The following SORCS3 variants were observed in gnomAD, a reference collection of about 807,000 sequenced individuals.
SORCS3 encodes VPS10 domain-containing receptor SorCS3.
A neutral mutation model predicts 146.3 loss-of-function variants in SORCS3; 57 were observed. That is an observed-to-expected ratio of 0.39 (90% CI 0.31 to 0.49). SORCS3 has a LOEUF of 0.49. Ranked by LOEUF, SORCS3 falls within the 20% of genes least tolerant of loss-of-function variation. The probability of loss-of-function intolerance (pLI) is 0.92; values close to 1 mark genes in which losing one functional copy is unlikely to be tolerated. For synonymous variants in SORCS3, 653 were observed against 618.5 expected, an observed-to-expected ratio of 1.06 and a Z score of -0.83; for missense variants, 1,341 against 1,575.5, an observed-to-expected ratio of 0.85 and a Z score of 2.52.
chr10:105,229,677 G>A (rs561240691), intron 20 of SORCS3, among the ~76,000 whole-genome samples: 1 of 152,312 alleles, frequency 6.6e-6, no homozygotes, highest in East Asian at 1.9e-4. Context: ...TATTAGTGGA[G>A]GCCATGGAAA....
intron 2 of SORCS3, among the ~76,000 whole-genome samples, chr10:104,901,553 T>C (rs983942928): frequency 6.6e-6 from 1 of 152,216 alleles, no homozygotes; most frequent in Non-Finnish European, 1.5e-5. Context: ...AATAGCACTC[T>C]TGAGCCCCTT....
In SORCS3 at chr10:105,216,844, T is replaced by C. The variant is rs1450316506; in HGVS notation, c.2548-92T>C. 2.5e-5 allele frequency: 31 copies of C among 1,253,828 alleles called. No homozygotes were observed. The Admixed American group carries it at 5.4e-4, about 22-fold the overall frequency. 77.7% of individuals were successfully genotyped at this position (1,253,828 alleles called of 1,614,324 possible). On this transcript the variant is annotated intron_variant, in intron 18 of 26. Transcript: ENST00000369701. ...GCCCTTTGGGAAAGACTATGGGTCA[T>C]CAGAGGTTGATGCTGAAGCAACAGG...
intron 1 of SORCS3, among the ~76,000 whole-genome samples, chr10:104,810,528 G>A (rs1426796319): frequency 6.6e-6 from 1 of 152,166 alleles, no homozygotes; most frequent in African/African-American, 2.4e-5. Context: ...AAGTAGTACA[G>A]TTTAATTATA....
chr10:105,071,829 G>A (rs1282043122), intron 5 of SORCS3, among the ~76,000 whole-genome samples: 7 of 152,286 alleles, frequency 4.6e-5, no homozygotes, highest in African/African-American at 1.7e-4. Flanking sequence ...TATAGATGAG[G>A]AAACGAAGGC....
rs1204488668 is a variant in SORCS3 at position 104,778,160 on chromosome 10, G to A, written c.628-64632G>A. ...AAAAGGACAAATGTCTTAGACGATGGATATCCCAATTACCCTGATTTGATC... is the reference window on the plus strand; with the variant it reads ...AAAAGGACAAATGTCTTAGACGATGAATATCCCAATTACCCTGATTTGATC... On this transcript the variant is annotated intron_variant, in intron 1 of 26. Coordinates refer to ENST00000369701, the MANE Select transcript of SORCS3 (RefSeq NM_014978.3). Among the ~76,000 whole-genome samples, 3 of 152,178 alleles carry A rather than the reference G, an allele frequency of 2.0e-5. No individual in the cohort carries two copies. The East Asian group carries it at 5.8e-4, about 29-fold the overall frequency.
rs1180571850 is a variant in SORCS3, at chr10:105,031,358, CACACAA to C, written c.955-11695_955-11690del. Among the ~76,000 whole-genome samples, 520 of 145,552 alleles carry C rather than the reference CACACAA, an allele frequency of 3.6e-3. 4 individuals are homozygous for C. Among genetic ancestry groups the C allele is most frequent in the African/African-American group, 0.012 (457 of 37,738 alleles). On this transcript the variant is annotated intron_variant, in intron 4 of 26. Transcript: ENST00000369701. ...ACACACACACACACACACACACACA[CACACAA>C]AAACATGTATGTTTGTTTTACAAAT...
intron 1 of SORCS3, among the ~76,000 whole-genome samples, chr10:104,696,697 TTA>T (rs1258554158): frequency 3.6e-5 from 3 of 84,344 alleles, no homozygotes; most frequent in African/African-American, 1.5e-4. Context: ...ATAATATATA[TTA>T]TATACGTATA....
In SORCS3 at chr10:105,116,638, T is replaced by C. The variant is rs78569224; in HGVS notation, c.1212+11123T>C. Among the ~76,000 whole-genome samples the C allele has an allele frequency of 6.1e-3, 920 of 152,006 alleles. 6 individuals carry two copies. The highest frequency in any genetic ancestry group is 0.021 in the African/African-American group (856 of 41,440). On this transcript the variant is annotated intron_variant, in intron 7 of 26. Transcript: ENST00000369701. ...AGTAAAGACATGGAATCAACCTAAA[T>C]GCCCATCAATGGTAGACTAGATTAA...
At chr10:105,148,317 G>A (rs956977561) in intron 9 of SORCS3, among the ~76,000 whole-genome samples, 6 of 152,052 alleles carry the variant, frequency 3.9e-5, no homozygotes, top group African/African-American at 1.4e-4. Flanking sequence ...TAAAAAACTG[G>A]CCTTGACATA....
intron 1 of SORCS3, among the ~76,000 whole-genome samples, chr10:104,742,858 G>A (rs987475683): frequency 2.6e-5 from 4 of 152,136 alleles, no homozygotes; most frequent in African/African-American, 4.8e-5. Flanking sequence ...GATTGACTTA[G>A]GGCTGAGACT....
At chr10:104,825,274 C>T (rs2017922526) in intron 1 of SORCS3, among the ~76,000 whole-genome samples, 1 of 152,170 alleles carries the variant, frequency 6.6e-6, no homozygotes, top group South Asian at 2.1e-4. Flanking sequence ...TTAGCTGATC[C>T]TCACAACAAC....
At chr10:105,084,973 G>A (rs1046440779) in intron 5 of SORCS3, among the ~76,000 whole-genome samples, 8 of 151,894 alleles carry the variant, frequency 5.3e-5, no homozygotes, top group African/African-American at 1.5e-4. Context: ...CTCGTGATCC[G>A]CCCGACTCGG....
intron 23 of SORCS3, among the ~76,000 whole-genome samples, chr10:105,254,971 G>C (rs1201043839): frequency 1.3e-5 from 2 of 151,536 alleles, no homozygotes; most frequent in Non-Finnish European, 2.9e-5. Flanking sequence ...GGCGGATCAC[G>C]AGGTCAGGAG....
chr10:105,172,050 G>T (rs1000262089), intron 13 of SORCS3, among the ~76,000 whole-genome samples: 1 of 152,146 alleles, frequency 6.6e-6, no homozygotes, highest in African/African-American at 2.4e-5. Flanking sequence ...TAGAAAGATT[G>T]TTTTTCATGC....
intron 1 of SORCS3, among the ~76,000 whole-genome samples, chr10:104,663,988 G>C (rs10509773): frequency 0.022 from 3,319 of 152,288 alleles, 68 homozygotes; most frequent in Admixed American, 0.041. Flanking sequence ...TGGACAAGGA[G>C]AATGACAGGA....
chr10:104,862,739 C>T (rs1415475732), intron 2 of SORCS3, among the ~76,000 whole-genome samples: 1 of 151,664 alleles, frequency 6.6e-6, no homozygotes. Flanking sequence ...GCCAATATTC[C>T]CCTCATTCAG....
At chr10:104,862,388 C>T (rs11192210) in intron 2 of SORCS3, among the ~76,000 whole-genome samples, 71,525 of 152,062 alleles carry the variant, frequency 0.47, 19,171 homozygotes, top group East Asian at 0.72. Context: ...GGAGTTTTGT[C>T]AGCAATTTTT....
chr10:104,854,713 C>G (rs146679052), intron 2 of SORCS3, among the ~76,000 whole-genome samples: 3 of 152,136 alleles, frequency 2.0e-5, no homozygotes, highest in African/African-American at 7.2e-5. Flanking sequence ...ACCTACCTCC[C>G]TCACCCAAAA....
intron 2 of SORCS3, among the ~76,000 whole-genome samples, chr10:104,886,555 C>CATCTATCT (rs55977539): frequency 7.0e-4 from 89 of 127,032 alleles, no homozygotes; most frequent in Admixed American, 1.6e-3. Context: ...ATAACTCTAT[C>CATCTATCT]ATCTATCTAT....
Sources: gnomAD v4.1 joint callset for allele counts (sites outside exome capture counted in the v4.1 genomes callset) on GRCh38, gnomAD v4.1.1 for gene constraint, MANE v1.5 for transcripts, NCBI Gene and HGNC (gene_info 2026-07-23, HGNC 2026-07-21) for gene names.